Variants in ZFYVE27 observed in about 807,000 individuals in gnomAD.
The protein encoded by ZFYVE27 is protrudin.
ZFYVE27 carries 36 observed loss-of-function variants against 52.8 expected under a neutral mutation model. The ratio of observed to expected loss-of-function variants is 0.68; its 90% CI spans 0.52 to 0.90. ZFYVE27 has a LOEUF of 0.90. Ranked by LOEUF, ZFYVE27 falls within the 40% of genes least tolerant of loss-of-function variation. ZFYVE27 has a pLI of 0.00. For synonymous variants in ZFYVE27, 223 were observed against 215.6 expected, an observed-to-expected ratio of 1.03 and a Z score of -0.30; for missense variants, 450 against 527.2, an observed-to-expected ratio of 0.85 and a Z score of 1.43.
At chr10:97,739,861 G>A (rs1457091372) in intron 2 of ZFYVE27, among the ~76,000 whole-genome samples, 2 of 146,494 alleles carry the variant, frequency 1.4e-5, no homozygotes, top group Non-Finnish European at 3.0e-5. Context: ...TTTAAAGGTT[G>A]GATTTGATTG....
intron 10 of ZFYVE27, 49 bp downstream of exon 10, chr10:97,753,231 T>G (rs2047464291): frequency 6.3e-7 from 1 of 1,583,884 alleles, no homozygotes. Context: ...GGGGTGGACT[T>G]CTGGGACTCT....
chr10:97,758,022 GC>G (rs1308069921), intron 12 of ZFYVE27: 1 of 290,196 alleles, frequency 3.4e-6, no homozygotes, highest in Admixed American at 4.7e-5. Flanking sequence ...CACTGCTCCT[GC>G]CTTCCTGGAG....
rs543383765 is a variant in ZFYVE27, at chr10:97,759,753, G to A, written c.*453G>A. ...CCAGGCCCTCAGCCTCAGAGAGCCT[G>A]CAGAAGGGCTTGGGAGTGCCACACC... On this transcript the variant is annotated 3_prime_UTR_variant, in exon 13 of 13. Coordinates refer to ENST00000684270, the MANE Select transcript of ZFYVE27 (RefSeq NM_001385875.1). The A allele has an allele frequency of 9.0e-6, 2 of 223,306 alleles. No homozygotes were observed. The highest frequency in any genetic ancestry group is 7.2e-5 in the South Asian group (1 of 13,942). 13.8% of individuals were successfully genotyped at this position (223,306 alleles called of 1,614,324 possible).
chr10:97,743,301 A>G, intron 3 of ZFYVE27, 137 bp downstream of exon 3: 1 of 1,049,566 alleles, frequency 9.5e-7, no homozygotes, highest in Non-Finnish European at 1.5e-6. Flanking sequence ...GCTTGGAGTC[A>G]GAAACAGCCT....
At chr10:97,759,106 A>T in intron 12 of ZFYVE27, 130 bp from the exon 13 acceptor site, 1 of 955,658 alleles carries the variant, frequency 1.0e-6, no homozygotes, top group South Asian at 1.4e-5. Context: ...GCAGGCTAGC[A>T]AGCTGGGCAG....
At position 97,750,391 on chromosome 10, in the gene ZFYVE27, C is replaced by T. The variant is rs2046610775; in HGVS notation, c.725C>T (p.Ala242Val). The T allele has an allele frequency of 1.2e-6, 2 of 1,614,138 alleles. No homozygotes were observed. Among genetic ancestry groups the T allele is most frequent in the Non-Finnish European group, 1.7e-6 (2 of 1,180,036 alleles). ...QRMNPKQEEH[A>V]FESPPPPDVG... ...ATGAACCCAAAGCAGGAAGAGCATG[C>T]CTTTGAGAGTCCTCCACCACCAGAT... Residue 242 changes from alanine (A) to valine (V), a missense_variant, in exon 7 of 13, where the codon GCC becomes GTC. By Grantham distance (64) the Ala-to-Val change is moderately conservative. Transcript: ENST00000684270.
Position 97,747,931 on chromosome 10 carries a change from C to T in ZFYVE27, c.456-338C>T, listed in dbSNP as rs145472763. 4.9e-3 allele frequency among the ~76,000 whole-genome samples: 742 copies of T among 152,280 alleles called. 5 individuals carry two copies. Among genetic ancestry groups the T allele is most frequent in the Admixed American group, 9.4e-3 (143 of 15,286 alleles). The stretch of plus-strand genomic sequence containing the variant: ...TTTATTCTGACAGCTGCTGTGTACC[C>T]GTGAGGTGGGTCCTCTGATCCTCAT... On this transcript the variant is annotated intron_variant, in intron 4 of 12. Transcript: ENST00000684270.
rs1590056575 is a variant in ZFYVE27, at chr10:97,749,332, G to A, written c.552-142G>A. The A allele has an allele frequency of 2.9e-5, 21 of 722,432 alleles. No homozygotes were observed. The East Asian group carries it at 4.6e-4, about 16-fold the overall frequency. 44.8% of individuals were successfully genotyped at this position (722,432 alleles called of 1,614,324 possible). A position where few individuals can be genotyped will look rare whatever the true frequency, so the allele number is the denominator to read the frequency against. ...TTCTCAGTCTTCATCGCCATTTTCC[G>A]CTGGTTTGATGAGCGGCTCTTGTCA... On this transcript the variant is annotated intron_variant, in intron 5 of 12. Transcript: ENST00000684270.
At chr10:97,740,517 T>C (rs971959533) in intron 2 of ZFYVE27, among the ~76,000 whole-genome samples, 1 of 152,204 alleles carries the variant, frequency 6.6e-6, no homozygotes, top group African/African-American at 2.4e-5. Context: ...GAAAGTTAAG[T>C]GTATCCTGTC....
intron 4 of ZFYVE27, among the ~76,000 whole-genome samples, chr10:97,746,071 CAG>C (rs1215102461): frequency 2.4e-5 from 3 of 124,734 alleles, no homozygotes; most frequent in African/African-American, 9.3e-5. Context: ...TTTTTTGAGA[CAG>C]AGTCTTGTTA....
intron 8 of ZFYVE27, among the ~76,000 whole-genome samples, chr10:97,751,801 G>A (rs1020198087): frequency 6.6e-6 from 1 of 152,290 alleles, no homozygotes. Context: ...CTGGGTCTCC[G>A]CTCTTCTGCA....
rs2049280941 is a variant in ZFYVE27, at chr10:97,760,223, G to C, written c.*923G>C. On this transcript the variant is annotated 3_prime_UTR_variant, in exon 13 of 13. Transcript: ENST00000684270. ...GTGGAGCAGAGGTCCTGAAGCCCTT[G>C]ACCCCTGGGGGCCTGGGTAGTGTAG... The C allele has an allele frequency of 6.6e-6, 1 of 152,348 alleles. No individual in the cohort carries two copies. Among genetic ancestry groups the C allele is most frequent in the Admixed American group, 6.5e-5 (1 of 15,288 alleles). The allele number at this position is 152,348 out of a possible 1,614,324, so 9.4% of individuals were successfully genotyped here. A position where few individuals can be genotyped will look rare whatever the true frequency, so the allele number is the denominator to read the frequency against.
At position 97,746,051 on chromosome 10, in the gene ZFYVE27, A is replaced by AT. The variant is rs71488840; in HGVS notation, c.455+1151dup. On this transcript the variant is annotated intron_variant, in intron 4 of 12. Coordinates refer to ENST00000684270, the MANE Select transcript of ZFYVE27 (RefSeq NM_001385875.1). ...CACATATATATATATATATATATAT[A>AT]TTTTTTTTTTTTTTTGAGACAGAGT... Among the ~76,000 whole-genome samples, 485 of 64,122 alleles carry AT rather than the reference A, an allele frequency of 7.6e-3. 4 individuals carry two copies. Among genetic ancestry groups the AT allele is most frequent in the Admixed American group, 0.014 (83 of 5,954 alleles). The allele number at this position is 64,122 out of a possible 152,430, so 42.1% of individuals were successfully genotyped here.
intron 11 of ZFYVE27, 93 bp downstream of exon 11, chr10:97,757,404 T>C: frequency 6.3e-7 from 1 of 1,580,278 alleles, no homozygotes; most frequent in Non-Finnish European, 8.7e-7. Context: ...AAAGTCTGGC[T>C]CGGGTCACAT....
intron 2 of ZFYVE27, among the ~76,000 whole-genome samples, chr10:97,740,171 G>A (rs1382120986): frequency 3.9e-5 from 6 of 152,328 alleles, no homozygotes; most frequent in South Asian, 2.1e-4. Flanking sequence ...GTGGAGTTAC[G>A]TTAACCTCTG....
At chr10:97,748,131 C>G in intron 4 of ZFYVE27, 138 bp from the exon 5 acceptor site, 1 of 830,090 alleles carries the variant, frequency 1.2e-6, no homozygotes, top group Non-Finnish European at 2.0e-6. Flanking sequence ...CATGCTCTCT[C>G]GACTCCTCTC....
intron 10 of ZFYVE27, chr10:97,754,936 ATGG>A (rs1439843397): frequency 1.3e-5 from 9 of 670,372 alleles, no homozygotes; most frequent in African/African-American, 2.0e-5. Flanking sequence ...TGGCCTGGAA[ATGG>A]TGGAGCTGTG....
At chr10:97,751,899 G>A (rs1339308278) in intron 8 of ZFYVE27, among the ~76,000 whole-genome samples, 1 of 152,228 alleles carries the variant, frequency 6.6e-6, no homozygotes, top group Non-Finnish European at 1.5e-5. Flanking sequence ...GTCAGAGGAA[G>A]TTAAACAGCT....
chr10:97,750,359 G>A lies in ZFYVE27; in HGVS notation c.693G>A (p.Gln231=), dbSNP rs2046604475. The A allele has an allele frequency of 6.2e-7, 1 of 1,614,166 alleles. No individual in the cohort carries two copies. ...RVVSEYRASL[Q]QRMNPKQEEH... is the part of the protein sequence containing the mutation. ...TGTCTGAGTACAGGGCATCTCTGCA[G>A]CAGAGGATGAACCCAAAGCAGGAAG... The change falls in exon 7 of 13, where the codon CAG becomes CAA. Residue 231 remains glutamine, a synonymous_variant. Coordinates refer to ENST00000684270, the MANE Select transcript of ZFYVE27 (RefSeq NM_001385875.1).
Sources: gnomAD v4.1 joint callset for allele counts (sites outside exome capture counted in the v4.1 genomes callset) on GRCh38, gnomAD v4.1.1 for gene constraint, MANE v1.5 for transcripts, NCBI Gene and HGNC (gene_info 2026-07-23, HGNC 2026-07-21) for gene names.